DHTKD1: variants seen among roughly 807,000 people sequenced by gnomAD.
DHTKD1 encodes dehydrogenase E1 and transketolase domain containing 1.
DHTKD1 carries 78 observed loss-of-function variants against 101.8 expected under a neutral mutation model. The observed-to-expected ratio is 0.77, with a 90% CI of 0.64 to 0.93. The LOEUF (loss-of-function observed/expected upper bound fraction) is 0.93, where lower values mean the gene tolerates loss of function less well. DHTKD1 is among the 40% of genes least tolerant of loss of function. DHTKD1 has a pLI of 0.00. For missense variants in DHTKD1, 1,223 were observed against 1,161.7 expected (o/e 1.05, Z -0.77); for synonymous variants, 462 against 450.3 (o/e 1.03, Z -0.33).
chr10:12,104,451 G>A (rs1437463029), intron 10 of DHTKD1, among the ~76,000 whole-genome samples: 1 of 152,016 alleles, frequency 6.6e-6, no homozygotes, highest in African/African-American at 2.4e-5. Context: ...TGAGATTACA[G>A]GTGTGAGCCA....
At chr10:12,081,874 C>T (rs1250614121) in intron 2 of DHTKD1, among the ~76,000 whole-genome samples, 3 of 151,804 alleles carry the variant, frequency 2.0e-5, no homozygotes, top group African/African-American at 7.3e-5. Flanking sequence ...ACCCATAATC[C>T]CAGCACTTTG....
At chr10:12,076,188 A>C (rs1832725865) in intron 1 of DHTKD1, among the ~76,000 whole-genome samples, 1 of 152,184 alleles carries the variant, frequency 6.6e-6, no homozygotes, top group Non-Finnish European at 1.5e-5. Context: ...CATTCGAAAG[A>C]GCTTTATTGC....
At chr10:12,091,734 C>A in intron 6 of DHTKD1, 50 bp downstream of exon 6, 1 of 1,548,302 alleles carries the variant, frequency 6.5e-7, no homozygotes, top group East Asian at 2.3e-5. Context: ...CATGGAATTC[C>A]TAGGGAAACC....
intron 1 of DHTKD1, 83 bp downstream of exon 1, chr10:12,069,270 TC>T: frequency 6.5e-6 from 6 of 928,210 alleles, no homozygotes; most frequent in East Asian, 1.3e-4. Flanking sequence ...GGTGTCGGGG[TC>T]GGGGAACCGG....
At chr10:12,073,855 G>T (rs1338586598) in intron 1 of DHTKD1, among the ~76,000 whole-genome samples, 3 of 152,162 alleles carry the variant, frequency 2.0e-5, no homozygotes, top group Non-Finnish European at 4.4e-5. Context: ...TTATCATGAA[G>T]CATGACTCTT....
Position 12,081,615 on chromosome 10 carries a change from T to A in DHTKD1, c.298T>A (p.Phe100Ile). The A allele has an allele frequency of 6.2e-7, 1 of 1,614,112 alleles. No homozygotes were observed. Among genetic ancestry groups the A allele is most frequent in the South Asian group, 1.1e-5 (1 of 91,084 alleles). ...QALVQTLQGP[F>I]HTAGLLNMGK... ...CCTGGTGCAGACACTGCAGGGACCC[T>A]TCCACACGGCAGGTATGGCTTCTGC... Residue 100 changes from phenylalanine (F) to isoleucine (I), a missense_variant, in exon 2 of 17, where the codon TTC (phenylalanine) becomes ATC (isoleucine). Physicochemically the swap from Phe to Ile is conservative, Grantham distance 21. Transcript: ENST00000263035.
At chr10:12,112,529 C>T (rs1042452459) in intron 12 of DHTKD1, among the ~76,000 whole-genome samples, 1 of 131,926 alleles carries the variant, frequency 7.6e-6, no homozygotes, top group South Asian at 2.5e-4. Flanking sequence ...CACACACACA[C>T]AATCGTTTTA....
chr10:12,088,123 A>C (rs561844409), intron 4 of DHTKD1, among the ~76,000 whole-genome samples: 2 of 151,596 alleles, frequency 1.3e-5, no homozygotes, highest in South Asian at 4.2e-4. Context: ...AATATAAATA[A>C]ATTTTTAAAA....
chr10:12,069,142 A>G lies in DHTKD1; in HGVS notation c.109A>G (p.Lys37Glu), dbSNP rs1426543093. 6.3e-7 allele frequency: 1 copy of G among 1,582,990 alleles called. No homozygotes were observed. The highest frequency in any genetic ancestry group is 8.6e-7 in the Non-Finnish European group (1 of 1,166,680). Residue 37 changes from lysine (K) to glutamate (E), a missense_variant, in exon 1 of 17, where the codon AAG becomes GAG. Physicochemically the swap from Lys to Glu is moderately conservative, Grantham distance 56. Coordinates refer to ENST00000263035, the MANE Select transcript of DHTKD1 (RefSeq NM_018706.7). ...GGGCGTTTACGGCTACCGGCCGAGGAAGCCCGAGAGCCGCGAGCCCCAGGG... is the reference window on the plus strand; with the variant it reads ...GGGCGTTTACGGCTACCGGCCGAGGGAGCCCGAGAGCCGCGAGCCCCAGGG... The part of the protein sequence containing the change: ...ERGVYGYRPR[K>E]PESREPQGAL...
chr10:12,122,001 T>C lies in DHTKD1; in HGVS notation c.*1113T>C, dbSNP rs1464207120. 6.6e-6 allele frequency: 1 copy of C among 152,200 alleles called. No homozygotes were observed. Among genetic ancestry groups the C allele is most frequent in the Non-Finnish European group, 1.5e-5 (1 of 68,034 alleles). 9.4% of individuals were successfully genotyped at this position (152,200 alleles called of 1,614,324 possible). A position where few individuals can be genotyped will look rare whatever the true frequency, so the allele number is the denominator to read the frequency against. On this transcript the variant is annotated 3_prime_UTR_variant, in exon 17 of 17. Transcript: ENST00000263035. ...AAGTCCTGTGGCAGTACTAATATTT[T>C]CATTTTATGTAATCTCTGGTGCTGC...
At position 12,098,049 on chromosome 10, in the gene DHTKD1, G is replaced by A. The variant is rs142073182; in HGVS notation, c.1671+53G>A. 5,206 of 1,505,556 alleles carry A rather than the reference G, an allele frequency of 3.5e-3. 13 individuals carry two copies. Among genetic ancestry groups the A allele is most frequent in the Admixed American group, 4.7e-3 (226 of 48,000 alleles). The allele number at this position is 1,505,556 out of a possible 1,614,324, so 93.3% of individuals were successfully genotyped here. ...TGCTTCTCCTTCCTGCTCAGCAAAG[G>A]AGCTGACGTTGGTCTGGTGTTTTCA... On this transcript the variant is annotated intron_variant, in intron 8 of 16. Transcript: ENST00000263035.
chr10:12,083,144 C>T (rs1014010692), intron 2 of DHTKD1, among the ~76,000 whole-genome samples: 6 of 148,336 alleles, frequency 4.0e-5, no homozygotes, highest in African/African-American at 1.2e-4. Flanking sequence ...GGCGACAGAG[C>T]GAGACTCCGT....
intron 1 of DHTKD1, among the ~76,000 whole-genome samples, 198 bp from the exon 2 acceptor site, chr10:12,081,273 CA>C (rs3060443): frequency 0.45 from 30,337 of 68,028 alleles, 4,289 homozygotes; most frequent in Middle Eastern, 0.68. Flanking sequence ...GACTCCATCT[CA>C]AAAAAAAAAA....
At chr10:12,105,868 G>A (rs921412541) in intron 10 of DHTKD1, among the ~76,000 whole-genome samples, 1 of 152,148 alleles carries the variant, frequency 6.6e-6, no homozygotes, top group Non-Finnish European at 1.5e-5. Flanking sequence ...GCCAAGGTGG[G>A]TGGATCACCT....
At chr10:12,070,346 CT>C (rs768225962) in intron 1 of DHTKD1, among the ~76,000 whole-genome samples, 2 of 152,170 alleles carry the variant, frequency 1.3e-5, no homozygotes, top group African/African-American at 2.4e-5. Context: ...CATCTTTGAT[CT>C]GATCATTAGA....
chr10:12,087,488 A>T lies in DHTKD1; in HGVS notation c.523-47A>T. ...CAGACTTATCTGCCTTCCACTGGAGAAGCTGGCTGTCTCCTGGCAGCTCAC... is the reference window on the plus strand; with the variant it reads ...CAGACTTATCTGCCTTCCACTGGAGTAGCTGGCTGTCTCCTGGCAGCTCAC... On this transcript the variant is annotated intron_variant, in intron 3 of 16. Coordinates refer to ENST00000263035, the MANE Select transcript of DHTKD1 (RefSeq NM_018706.7). This position sits in a 1 kb window ranked among gnomAD's most constrained non-coding sequence, Gnocchi z 5.2. 6.6e-7 allele frequency: 1 copy of T among 1,518,314 alleles called. No individual in the cohort carries two copies. The highest frequency in any genetic ancestry group is 8.9e-7 in the Non-Finnish European group (1 of 1,123,364). The allele number at this position is 1,518,314 out of a possible 1,614,324, so 94.1% of individuals were successfully genotyped here. A position where few individuals can be genotyped will look rare whatever the true frequency, so the allele number is the denominator to read the frequency against.
In DHTKD1 at chr10:12,087,900, C is replaced by G. The variant is rs760919968; in HGVS notation, c.717+171C>G. ...GATGAGGCAGGAGGATGGCTTGAAT[C>G]TAGGAGTTTGAGACCACCCTGTGGA... On this transcript the variant is annotated intron_variant, in intron 4 of 16. Transcript: ENST00000263035. The surrounding 1 kb of genome is among the most constrained non-coding windows in gnomAD (Gnocchi z 5.2). 2.0e-5 allele frequency among the ~76,000 whole-genome samples: 3 copies of G among 152,016 alleles called. No individual in the cohort carries two copies. The highest frequency in any genetic ancestry group is 4.4e-5 in the Non-Finnish European group (3 of 67,996).
chr10:12,084,318 T>A (rs1479451460), intron 2 of DHTKD1, among the ~76,000 whole-genome samples: 3 of 149,342 alleles, frequency 2.0e-5, no homozygotes, highest in Admixed American at 6.7e-5. Context: ...TTTTTTTTTT[T>A]AAATTTTTTT....
intron 6 of DHTKD1, among the ~76,000 whole-genome samples, chr10:12,092,744 A>G (rs1265453519): frequency 6.6e-6 from 1 of 152,000 alleles, no homozygotes; most frequent in Non-Finnish European, 1.5e-5. Flanking sequence ...CGGAGGTTGC[A>G]GTGAGCCAAG....
Sources: gnomAD v4.1 joint callset for allele counts (sites outside exome capture counted in the v4.1 genomes callset) on GRCh38, gnomAD v4.1.1 for gene constraint, Gnocchi (gnomAD v3.1) non-coding constraint, MANE v1.5 for transcripts, NCBI Gene and HGNC (gene_info 2026-07-23, HGNC 2026-07-21) for gene names.